Variants in UNC5D observed in about 807,000 individuals in gnomAD.
UNC5D encodes the protein unc-5 netrin receptor D.
UNC5D carries 39 observed loss-of-function variants against 105.4 expected under a neutral mutation model. The ratio of observed to expected loss-of-function variants is 0.37; its 90% CI spans 0.29 to 0.48. UNC5D has a LOEUF of 0.48. Ranked by LOEUF, UNC5D falls within the 20% of genes least tolerant of loss-of-function variation. The pLI is 0.98. For synonymous variants in UNC5D, 452 were observed against 450.4 expected, an observed-to-expected ratio of 1.00 and a Z score of -0.04; for missense variants, 991 against 1,202.4, an observed-to-expected ratio of 0.82 and a Z score of 2.60.
intron 1 of UNC5D, among the ~76,000 whole-genome samples, chr8:35,509,282 A>C (rs150158614): frequency 3.6e-4 from 54 of 151,732 alleles, no homozygotes; most frequent in African/African-American, 1.3e-3. Flanking sequence ...AATCAAAGAA[A>C]ATAGGTTTAC....
chr8:35,248,724 TA>T (rs1400413395), intron 1 of UNC5D, among the ~76,000 whole-genome samples: 7 of 96,918 alleles, frequency 7.2e-5, no homozygotes, highest in African/African-American at 2.3e-4. Flanking sequence ...ATAAAATATA[TA>T]AAAATATATA....
chr8:35,786,048 C>A (rs6997156), intron 16 of UNC5D, among the ~76,000 whole-genome samples: 7,265 of 152,276 alleles, frequency 0.048, 445 homozygotes, highest in African/African-American at 0.14. Flanking sequence ...TGTTCACTTA[C>A]TGCGACCTTC....
chr8:35,350,659 T>C (rs1241029760), intron 1 of UNC5D, among the ~76,000 whole-genome samples: 1 of 152,084 alleles, frequency 6.6e-6, no homozygotes, highest in Non-Finnish European at 1.5e-5. Context: ...TTTGGCATAA[T>C]AATTTAGAAA....
intron 1 of UNC5D, among the ~76,000 whole-genome samples, chr8:35,371,766 G>A (rs1441701733): frequency 6.6e-6 from 1 of 152,106 alleles, no homozygotes; most frequent in Non-Finnish European, 1.5e-5. Flanking sequence ...CTTGTTTGTT[G>A]GTGTGCTTTT....
intron 1 of UNC5D, among the ~76,000 whole-genome samples, chr8:35,283,816 G>T (rs1041880167): frequency 2.4e-5 from 3 of 126,686 alleles, no homozygotes; most frequent in Admixed American, 1.6e-4. Context: ...AAAAAAAAAT[G>T]CTCATACCCA....
chr8:35,459,388 T>A (rs542304151), intron 1 of UNC5D, among the ~76,000 whole-genome samples: 6 of 152,258 alleles, frequency 3.9e-5, no homozygotes, highest in Non-Finnish European at 8.8e-5. Flanking sequence ...ATTTTAAAAT[T>A]TTTGGCCCCA....
intron 4 of UNC5D, among the ~76,000 whole-genome samples, chr8:35,626,972 G>A (rs1250902626): frequency 6.6e-6 from 1 of 152,100 alleles, no homozygotes; most frequent in African/African-American, 2.4e-5. Context: ...TCTTTAACTA[G>A]CACTTTGGTG....
intron 1 of UNC5D, among the ~76,000 whole-genome samples, chr8:35,431,076 G>C (rs1585827024): frequency 1.3e-5 from 2 of 152,128 alleles, no homozygotes; most frequent in East Asian, 3.9e-4. Flanking sequence ...ATTAAATGAT[G>C]GTAAATAATT....
chr8:35,779,217 G>A (rs750685642), intron 16 of UNC5D, among the ~76,000 whole-genome samples: 14 of 152,334 alleles, frequency 9.2e-5, no homozygotes, highest in Non-Finnish European at 2.1e-4. Flanking sequence ...AATTGGTCAT[G>A]TAGCGGGTAG....
chr8:35,740,640 C>T (rs1051382131), intron 11 of UNC5D, among the ~76,000 whole-genome samples: 2 of 152,182 alleles, frequency 1.3e-5, no homozygotes, highest in African/African-American at 4.8e-5. Context: ...TGAGTGCAGT[C>T]TTAATTCCCA....
At chr8:35,662,213 A>G (rs1824152450) in intron 4 of UNC5D, among the ~76,000 whole-genome samples, 1 of 149,948 alleles carries the variant, frequency 6.7e-6, no homozygotes, top group African/African-American at 2.5e-5. Flanking sequence ...AACTGTGCGT[A>G]GTGGTTTAGA....
intron 1 of UNC5D, among the ~76,000 whole-genome samples, chr8:35,249,481 C>G (rs1210890612): frequency 1.3e-5 from 2 of 150,894 alleles, no homozygotes; most frequent in Admixed American, 1.3e-4. Context: ...TCGCTTGAAC[C>G]TGGGAGGTGG....
chr8:35,640,198 T>A (rs1479396183), intron 4 of UNC5D, among the ~76,000 whole-genome samples: 3 of 152,150 alleles, frequency 2.0e-5, no homozygotes, highest in Non-Finnish European at 4.4e-5. Context: ...TAATTCCTAC[T>A]TTGTATGTAA....
intron 1 of UNC5D, among the ~76,000 whole-genome samples, chr8:35,486,639 G>C (rs181309884): frequency 2.6e-4 from 39 of 152,218 alleles, no homozygotes; most frequent in Non-Finnish European, 2.2e-4. Context: ...GATTTGTCAC[G>C]AGGGAACCAG....
chr8:35,652,103 G>A (rs1209368319), intron 4 of UNC5D, among the ~76,000 whole-genome samples: 1 of 152,066 alleles, frequency 6.6e-6, no homozygotes, highest in African/African-American at 2.4e-5. Context: ...TGTTATATAT[G>A]AGCGCTCACC....
In UNC5D at chr8:35,682,199, G is replaced by A. The variant is rs572876901; in HGVS notation, c.571-1348G>A. Among the ~76,000 whole-genome samples, 8 of 152,284 alleles carry A rather than the reference G, an allele frequency of 5.3e-5. No individual in the cohort carries two copies. The South Asian group carries it at 1.2e-3, about 24-fold the overall frequency. Reference sequence around the variant, plus strand: ...AGGCTGGTTTCCAATTCCTGACCTCGTGATCTGCCCGCCTCGGCCTCTCAA... The same window carrying A: ...AGGCTGGTTTCCAATTCCTGACCTCATGATCTGCCCGCCTCGGCCTCTCAA... On this transcript the variant is annotated intron_variant, in intron 4 of 16. Transcript: ENST00000404895.
chr8:35,533,508 G>A (rs891223703), intron 1 of UNC5D, among the ~76,000 whole-genome samples: 5 of 152,192 alleles, frequency 3.3e-5, no homozygotes, highest in African/African-American at 1.2e-4. Flanking sequence ...TTGTTTGTCT[G>A]TGCCCTGCCC....
intron 2 of UNC5D, among the ~76,000 whole-genome samples, chr8:35,554,353 A>T (rs910116241): frequency 6.6e-6 from 1 of 152,190 alleles, no homozygotes; most frequent in African/African-American, 2.4e-5. Context: ...ACAAGGCTAT[A>T]CCTCTTAGTA....
intron 1 of UNC5D, among the ~76,000 whole-genome samples, chr8:35,399,701 C>T (rs1015579722): frequency 2.0e-5 from 3 of 152,196 alleles, no homozygotes; most frequent in South Asian, 4.2e-4. Context: ...CTTTTCATTG[C>T]TCTTAATTCA....
Sources: allele counts gnomAD v4.1 joint callset (sites outside exome capture counted in the v4.1 genomes callset), GRCh38; gene constraint gnomAD v4.1.1; transcripts MANE v1.5; gene names NCBI Gene and HGNC (gene_info 2026-07-23, HGNC 2026-07-21).